The following ZNF385D variants were observed in gnomAD, a reference collection of about 807,000 sequenced individuals.
The protein encoded by ZNF385D is zinc finger protein 385D, also known as zinc finger protein 659.
Under a neutral mutation model 35.8 loss-of-function variants are expected in ZNF385D, and 15 were observed. That is an observed-to-expected ratio of 0.42 (90% CI 0.28 to 0.64). The LOEUF (loss-of-function observed/expected upper bound fraction) is 0.64, where lower values mean the gene tolerates loss of function less well. Ranked by LOEUF, ZNF385D falls within the 30% of genes least tolerant of loss-of-function variation. ZNF385D has a pLI of 0.23. For missense variants in ZNF385D, 474 were observed against 494.6 expected (o/e 0.96, Z 0.39); for synonymous variants, 212 against 186.8 (o/e 1.13, Z -1.10).
chr3:21,599,183 A>AG (rs2064210591), intron 2 of ZNF385D, among the ~76,000 whole-genome samples: 1 of 152,210 alleles, frequency 6.6e-6, no homozygotes, highest in Non-Finnish European at 1.5e-5. Flanking sequence ...CGGCAAACAG[A>AG]GGGGAAGCCA....
intron 3 of ZNF385D, among the ~76,000 whole-genome samples, chr3:21,890,227 T>G (rs1177180580): frequency 6.6e-6 from 1 of 151,998 alleles, no homozygotes; most frequent in African/African-American, 2.4e-5. Flanking sequence ...GGGAGAGAAT[T>G]TGAAGGTAAC....
intron 3 of ZNF385D, among the ~76,000 whole-genome samples, chr3:21,814,299 C>T (rs1252676421): frequency 6.6e-6 from 1 of 152,094 alleles, no homozygotes; most frequent in Non-Finnish European, 1.5e-5. Flanking sequence ...AACTAACGTG[C>T]AAAATAACCA....
intron 3 of ZNF385D, among the ~76,000 whole-genome samples, chr3:21,799,506 T>A (rs147944275): frequency 3.3e-5 from 5 of 152,306 alleles, no homozygotes; most frequent in African/African-American, 1.2e-4. Context: ...CTAAAAACTA[T>A]TGGTATTAAG....
intron 3 of ZNF385D, among the ~76,000 whole-genome samples, chr3:22,102,906 A>AC (rs1291521965): frequency 2.0e-5 from 3 of 150,012 alleles, no homozygotes; most frequent in Non-Finnish European, 4.4e-5. Flanking sequence ...GAAAAAAAAA[A>AC]ACCAACAAGT....
At chr3:22,232,562 T>C (rs1698957138) in intron 2 of ZNF385D, among the ~76,000 whole-genome samples, 1 of 152,118 alleles carries the variant, frequency 6.6e-6, no homozygotes, top group South Asian at 2.1e-4. Flanking sequence ...TGACAGGCCC[T>C]GGTGTGTGAT....
chr3:22,004,441 T>G (rs760254604), intron 3 of ZNF385D, among the ~76,000 whole-genome samples: 1 of 152,094 alleles, frequency 6.6e-6, no homozygotes, highest in Non-Finnish European at 1.5e-5. Flanking sequence ...GAGATTATAT[T>G]AAACTAAAAA....
At chr3:21,509,069 G>A (rs934555002) in intron 4 of ZNF385D, among the ~76,000 whole-genome samples, 3 of 151,480 alleles carry the variant, frequency 2.0e-5, no homozygotes, top group Admixed American at 6.6e-5. Context: ...GCTCCGGGGG[G>A]CTTTTCTTAA....
chr3:21,794,506 T>C (rs1048392872), intron 3 of ZNF385D, among the ~76,000 whole-genome samples: 16 of 152,088 alleles, frequency 1.1e-4, no homozygotes, highest in African/African-American at 3.9e-4. Context: ...TTTCTCACAG[T>C]TCTAAAGAAT....
chr3:21,538,191 G>T (rs777679322), intron 3 of ZNF385D, among the ~76,000 whole-genome samples: 3 of 152,036 alleles, frequency 2.0e-5, no homozygotes, highest in Non-Finnish European at 4.4e-5. Context: ...TTAGGTATGA[G>T]GAATCTATTA....
chr3:22,002,559 T>A (rs1392863623), intron 3 of ZNF385D, among the ~76,000 whole-genome samples: 2 of 152,146 alleles, frequency 1.3e-5, no homozygotes, highest in African/African-American at 4.8e-5. Context: ...GAGAAGGGAA[T>A]TCTTTCTAAC....
intron 3 of ZNF385D, among the ~76,000 whole-genome samples, chr3:21,770,667 G>A (rs1286296215): frequency 3.3e-5 from 5 of 152,140 alleles, no homozygotes; most frequent in South Asian, 2.1e-4. Context: ...CGACCATTGC[G>A]GAAGACAGTG....
chr3:21,601,988 C>T (rs1210768165), intron 2 of ZNF385D, among the ~76,000 whole-genome samples: 2 of 152,128 alleles, frequency 1.3e-5, no homozygotes, highest in Non-Finnish European at 2.9e-5. Context: ...AAGAAATACC[C>T]GAGACTGGGT....
intron 2 of ZNF385D, among the ~76,000 whole-genome samples, chr3:21,568,751 G>A (rs1166414692): frequency 6.6e-6 from 1 of 151,990 alleles, no homozygotes; most frequent in African/African-American, 2.4e-5. Flanking sequence ...TACCATCATT[G>A]TTCAATGCAT....
chr3:22,252,586 C>A (rs575335717), intron 2 of ZNF385D, among the ~76,000 whole-genome samples: 105 of 152,070 alleles, frequency 6.9e-4, no homozygotes, highest in African/African-American at 1.4e-3. Context: ...GTGCATTGTG[C>A]TAAGTATTTA....
chr3:22,355,825 A>G lies in ZNF385D; in HGVS notation c.106+16625T>C, dbSNP rs532365661. 5.9e-5 allele frequency among the ~76,000 whole-genome samples: 9 copies of G among 152,122 alleles called. No homozygotes were observed. The South Asian group carries it at 1.9e-3, about 31-fold the overall frequency. ...AGATTTTTGGGATACACAGTATACA[A>G]CCATATCACAAATTTATCAGTAGAA... is the stretch of plus-strand genomic sequence containing the variant. On this transcript the variant is annotated intron_variant, in intron 2 of 5. Coordinates refer to the ZNF385D transcript ENST00000494108.
chr3:21,901,943 CG>C (rs1451907426), intron 3 of ZNF385D, among the ~76,000 whole-genome samples: 1 of 152,076 alleles, frequency 6.6e-6, no homozygotes, highest in Admixed American at 6.6e-5. Flanking sequence ...CTTGTTTCCT[CG>C]TATCAGCTTT....
chr3:22,060,074 C>T (rs1482987156), intron 3 of ZNF385D, among the ~76,000 whole-genome samples: 1 of 152,202 alleles, frequency 6.6e-6, no homozygotes, highest in Admixed American at 6.5e-5. Context: ...AGGATTTATA[C>T]AGCCTTCCTT....
intron 3 of ZNF385D, among the ~76,000 whole-genome samples, chr3:21,857,648 G>A (rs1247555208): frequency 6.6e-6 from 1 of 151,872 alleles, no homozygotes; most frequent in East Asian, 2.0e-4. Context: ...GAAAGAAAAT[G>A]GCCCCAGTCA....
chr3:21,510,701 G>T (rs1029997665), intron 4 of ZNF385D, among the ~76,000 whole-genome samples, 160 bp downstream of exon 4: 1 of 152,140 alleles, frequency 6.6e-6, no homozygotes, highest in Non-Finnish European at 1.5e-5. Flanking sequence ...TCTTGCAGGG[G>T]TTTGGAAAAA....
Sources: allele counts gnomAD v4.1 joint callset (sites outside exome capture counted in the v4.1 genomes callset), GRCh38; gene constraint gnomAD v4.1.1; transcripts MANE v1.5; gene names NCBI Gene and HGNC (gene_info 2026-07-23, HGNC 2026-07-21).